The following PHC2 variants were observed in gnomAD, a reference collection of about 807,000 sequenced individuals.
The protein encoded by PHC2 is polyhomeotic homolog 2.
Under a neutral mutation model 87.4 loss-of-function variants are expected in PHC2, and 29 were observed. The observed-to-expected ratio is 0.33, with a 90% CI of 0.25 to 0.45. The LOEUF is 0.45. PHC2 is among the 20% of genes least tolerant of loss of function. The pLI is 1.00. For missense variants in PHC2, 857 were observed against 1,136.7 expected (o/e 0.75, Z 3.54); for synonymous variants, 438 against 461.7 (o/e 0.95, Z 0.66).
rs1213476704 is a variant in PHC2, at chr1:33,329,120, A to C, written c.2175T>G (p.Val725=). The change falls in exon 14 of 15, where the codon GTT becomes GTG. Residue 725 remains valine (V), a synonymous_variant. Transcript: ENST00000683057. ...TGTGTGTTAGCTGCAAAGCAGCAGT[A>C]ACCGAAAGGGGCACAGTGCCTGTTG... The part of the protein sequence containing the change: ...KQPTGTVPLS[V]TAALQLTHSQ... 1.2e-6 allele frequency: 2 copies of C among 1,614,100 alleles called. No homozygotes were observed. The highest frequency in any genetic ancestry group is 2.2e-5 in the East Asian group (1 of 44,884).
chr1:33,414,833 A>G (rs2148396680), intron 1 of PHC2, among the ~76,000 whole-genome samples: 1 of 152,370 alleles, frequency 6.6e-6, no homozygotes, highest in South Asian at 2.1e-4. Flanking sequence ...GAATTTCTTT[A>G]AAGAAAGGAA....
chr1:33,356,010 G>C (rs1020823556), intron 7 of PHC2, among the ~76,000 whole-genome samples: 1 of 152,056 alleles, frequency 6.6e-6, no homozygotes, highest in African/African-American at 2.4e-5. Flanking sequence ...TATCAGTCTG[G>C]TTTAGGTTCT....
intron 1 of PHC2, among the ~76,000 whole-genome samples, chr1:33,419,409 G>A (rs1037136470): frequency 1.3e-5 from 2 of 152,210 alleles, no homozygotes; most frequent in Non-Finnish European, 2.9e-5. Context: ...TGGAAATCAA[G>A]GGGTCAGCAG....
At chr1:33,394,586 A>G (rs927444133) in intron 1 of PHC2, among the ~76,000 whole-genome samples, 11 of 152,160 alleles carry the variant, frequency 7.2e-5, no homozygotes, top group Non-Finnish European at 1.3e-4. Flanking sequence ...TTCTTTTGAG[A>G]CAAGGTCTTA....
At chr1:33,428,345 C>T (rs977414056) in intron 1 of PHC2, among the ~76,000 whole-genome samples, 1 of 152,210 alleles carries the variant, frequency 6.6e-6, no homozygotes, top group Non-Finnish European at 1.5e-5. Context: ...CATGATTTTC[C>T]AGCACTTACA....
intron 1 of PHC2, among the ~76,000 whole-genome samples, chr1:33,386,164 AT>A (rs1178752519): frequency 1.3e-5 from 2 of 151,892 alleles, no homozygotes; most frequent in East Asian, 3.9e-4. Flanking sequence ...AAGGGTATGC[AT>A]TTTGGGGATT....
At chr1:33,355,346 G>T in intron 7 of PHC2, 93 bp from the exon 8 acceptor site, 1 of 1,171,502 alleles carries the variant, frequency 8.5e-7, no homozygotes, top group Non-Finnish European at 1.2e-6. Flanking sequence ...AAATAAAAAT[G>T]GCTTCCCAAA....
intron 7 of PHC2, among the ~76,000 whole-genome samples, chr1:33,362,566 A>G (rs112422151): frequency 1.0e-3 from 158 of 152,342 alleles, no homozygotes; most frequent in Non-Finnish European, 2.0e-3. Context: ...TGAACTGACA[A>G]ACTCCTCTGT....
intron 9 of PHC2, among the ~76,000 whole-genome samples, chr1:33,339,393 T>C (rs757004966): frequency 2.6e-5 from 4 of 152,152 alleles, no homozygotes; most frequent in Non-Finnish European, 4.4e-5. Flanking sequence ...AGGCTGGTGG[T>C]ACCTGCCTAC....
intron 1 of PHC2, among the ~76,000 whole-genome samples, chr1:33,430,654 A>AGCCTCGGCCCCAGGCTC (rs998445064): frequency 1.3e-5 from 2 of 151,878 alleles, no homozygotes; most frequent in African/African-American, 4.8e-5. Flanking sequence ...GTTCCCGGCA[A>AGCCTCGGCCCCAGGCTC]GCCTCGGCCC....
chr1:33,408,803 T>C (rs1269690146), intron 1 of PHC2, among the ~76,000 whole-genome samples: 1 of 152,144 alleles, frequency 6.6e-6, no homozygotes. Flanking sequence ...TCATCCTTTC[T>C]CTAGGACCTG....
At chr1:33,415,241 G>C (rs1650155787) in intron 1 of PHC2, among the ~76,000 whole-genome samples, 1 of 152,170 alleles carries the variant, frequency 6.6e-6, no homozygotes, top group Non-Finnish European at 1.5e-5. Context: ...CTTTGACTAA[G>C]CACTGGTCTG....
rs2148201431 is a variant in PHC2 at position 33,332,479 on chromosome 1, T to C, written c.1762-75A>G. 1 of 1,552,546 alleles carries C rather than the reference T, an allele frequency of 6.4e-7. No homozygotes were observed. The highest frequency in any genetic ancestry group is 2.2e-5 in the East Asian group (1 of 44,464). ...CCTTGCTATCCATCCTCATCACAATTACACGTATAAAGTATCCAGGCACAG... is the reference window on the plus strand; with the variant it reads ...CCTTGCTATCCATCCTCATCACAATCACACGTATAAAGTATCCAGGCACAG... On this transcript the variant is annotated intron_variant, in intron 10 of 14. Transcript: ENST00000683057. The surrounding 1 kb of genome is among the most constrained non-coding windows in gnomAD (Gnocchi z 4.2).
chr1:33,372,547 C>T lies in PHC2; in HGVS notation c.175-100G>A, dbSNP rs973583972. The T allele has an allele frequency of 3.4e-5, 36 of 1,046,664 alleles. No individual in the cohort carries two copies. The African/African-American group carries it at 4.5e-4, about 13-fold the overall frequency. 64.8% of individuals were successfully genotyped at this position (1,046,664 alleles called of 1,614,324 possible). ...CCCACCCCAGGTCTCTATAACTGCT[C>T]GGGAGACACCAAGATCTGTGACCAC... On this transcript the variant is annotated intron_variant, in intron 2 of 14. Coordinates refer to ENST00000683057, the MANE Select transcript of PHC2 (RefSeq NM_001385109.1).
At chr1:33,414,378 C>G (rs995964493) in intron 1 of PHC2, among the ~76,000 whole-genome samples, 10 of 152,150 alleles carry the variant, frequency 6.6e-5, no homozygotes, top group African/African-American at 2.4e-4. Flanking sequence ...GAGGCTTCTA[C>G]AGTTTAAAAA....
intron 9 of PHC2, chr1:33,346,312 A>G: frequency 1.0e-6 from 1 of 985,462 alleles, no homozygotes; most frequent in Non-Finnish European, 1.2e-6. Flanking sequence ...GCCTCTCTCT[A>G]CAACCACTTT....
chr1:33,329,215 G>A, intron 13 of PHC2, 69 bp from the exon 14 acceptor site: 1 of 1,522,024 alleles, frequency 6.6e-7, no homozygotes, highest in South Asian at 1.2e-5. Context: ...GAACAAAGGA[G>A]GTATTTCTCC....
rs1471301005 is a variant in PHC2 at position 33,368,660 on chromosome 1, G to C, written c.577-38C>G. On this transcript the variant is annotated intron_variant, in intron 5 of 14. Transcript: ENST00000683057. The surrounding 1 kb of genome is among the most constrained non-coding windows in gnomAD (Gnocchi z 6.6). ...AGGAACAGTGCCGCCTAGGCTCCTA[G>C]CTACCTGCACCAGGTTACCTGGCTG... is the stretch of plus-strand genomic sequence containing the variant. The C allele has an allele frequency of 1.4e-6, 2 of 1,448,798 alleles. No individual in the cohort carries two copies. The highest frequency in any genetic ancestry group is 1.7e-4 in the Middle Eastern group (1 of 5,792). 89.7% of individuals were successfully genotyped at this position (1,448,798 alleles called of 1,614,324 possible). A position where few individuals can be genotyped will look rare whatever the true frequency, so the allele number is the denominator to read the frequency against.
intron 1 of PHC2, among the ~76,000 whole-genome samples, chr1:33,427,410 GA>G (rs1650723231): frequency 6.6e-6 from 1 of 152,156 alleles, no homozygotes; most frequent in South Asian, 2.1e-4. Flanking sequence ...AGCAGACAGG[GA>G]AAATTAATCT....
Sources: allele counts gnomAD v4.1 joint callset (sites outside exome capture counted in the v4.1 genomes callset), GRCh38; gene constraint gnomAD v4.1.1; non-coding constraint Gnocchi (gnomAD v3.1); transcripts MANE v1.5; gene names NCBI Gene and HGNC (gene_info 2026-07-23, HGNC 2026-07-21).